Variants in CCDC148 observed in about 807,000 individuals in gnomAD.
CCDC148 encodes the protein coiled-coil domain containing 148.
CCDC148 carries 89 observed loss-of-function variants against 85.7 expected under a neutral mutation model. The ratio of observed to expected loss-of-function variants is 1.04; its 90% CI spans 0.87 to 1.24. The LOEUF (loss-of-function observed/expected upper bound fraction) is 1.24. Ranked by LOEUF, CCDC148 falls within the 50% of genes most tolerant of loss-of-function variation. The probability of loss-of-function intolerance (pLI) is 0.00; values close to 1 mark genes in which losing one functional copy is unlikely to be tolerated. For synonymous variants in CCDC148, 230 were observed against 213.9 expected, an observed-to-expected ratio of 1.08 and a Z score of -0.66; for missense variants, 692 against 671.7, an observed-to-expected ratio of 1.03 and a Z score of -0.33.
At chr2:158,182,023 T>C (rs924550059) in intron 11 of CCDC148, among the ~76,000 whole-genome samples, 3 of 152,000 alleles carry the variant, frequency 2.0e-5, no homozygotes, top group Non-Finnish European at 2.9e-5. Flanking sequence ...AAAGTTTTCA[T>C]TTATTTTATG....
intron 10 of CCDC148, among the ~76,000 whole-genome samples, chr2:158,240,452 T>TCTCTCTCTCACACACA (rs941238898): frequency 5.0e-5 from 6 of 120,546 alleles, no homozygotes; most frequent in East Asian, 2.6e-4. Context: ...TCTCTCTCTC[T>TCTCTCTCTCACACACA]CACACACACA....
At chr2:158,446,332 C>T (rs113951108) in intron 1 of CCDC148, among the ~76,000 whole-genome samples, 5,047 of 148,804 alleles carry the variant, frequency 0.034, 124 homozygotes, top group African/African-American at 0.065. Context: ...AGCTATCTGA[C>T]AGGGCAAGAA....
chr2:158,426,124 A>ATT, intron 1 of CCDC148, among the ~76,000 whole-genome samples: 1 of 119,190 alleles, frequency 8.4e-6, no homozygotes, highest in South Asian at 2.3e-4. Context: ...CTGTGGTAGG[A>ATT]ACTATAGTTT....
intron 1 of CCDC148, among the ~76,000 whole-genome samples, chr2:158,446,935 T>C (rs1369661073): frequency 2.0e-5 from 3 of 152,232 alleles, no homozygotes; most frequent in Non-Finnish European, 4.4e-5. Context: ...TTGTACCATG[T>C]ATCAGTAGTT....
intron 1 of CCDC148, among the ~76,000 whole-genome samples, chr2:158,385,579 G>A (rs1685052486): frequency 2.0e-5 from 3 of 152,114 alleles, no homozygotes; most frequent in Admixed American, 1.3e-4. Context: ...CTGGCAATTT[G>A]TTAAAATGTA....
chr2:158,367,971 T>C (rs114935632), intron 1 of CCDC148, among the ~76,000 whole-genome samples: 1,904 of 152,252 alleles, frequency 0.013, 30 homozygotes, highest in African/African-American at 0.039. Flanking sequence ...CTTGAGATGA[T>C]TGAGGCTCAG....
intron 7 of CCDC148, among the ~76,000 whole-genome samples, chr2:158,333,648 T>A (rs1284674437): frequency 1.3e-5 from 2 of 152,078 alleles, no homozygotes; most frequent in African/African-American, 2.4e-5. Context: ...TGTGTGGGAG[T>A]CTAAGTCTCT....
intron 2 of CCDC148, among the ~76,000 whole-genome samples, chr2:158,349,376 T>C (rs1267760736): frequency 6.6e-6 from 1 of 151,926 alleles, no homozygotes; most frequent in Non-Finnish European, 1.5e-5. Context: ...AATACAAATA[T>C]TTAGAGAGAA....
chr2:158,192,729 AC>A (rs1685481782), intron 11 of CCDC148, among the ~76,000 whole-genome samples: 1 of 151,802 alleles, frequency 6.6e-6, no homozygotes, highest in Non-Finnish European at 1.5e-5. Context: ...CCTAACCATG[AC>A]CCCAAACAGT....
At chr2:158,398,910 T>C (rs1345472634) in intron 1 of CCDC148, among the ~76,000 whole-genome samples, 4 of 151,588 alleles carry the variant, frequency 2.6e-5, no homozygotes, top group African/African-American at 7.3e-5. Flanking sequence ...AAGAGAATAA[T>C]CAAATAGACA....
chr2:158,363,220 A>C (rs1193679699), intron 1 of CCDC148, among the ~76,000 whole-genome samples: 2 of 152,228 alleles, frequency 1.3e-5, no homozygotes, highest in Admixed American at 6.5e-5. Flanking sequence ...TTCACGGCTG[A>C]ATTCTATCAG....
chr2:158,300,102 A>G (rs530044745), intron 9 of CCDC148, among the ~76,000 whole-genome samples: 13 of 152,332 alleles, frequency 8.5e-5, no homozygotes, highest in African/African-American at 2.4e-4. Flanking sequence ...TTGGCATCTC[A>G]GAATATTCAA....
chr2:158,184,962 T>C (rs973260063), intron 11 of CCDC148, among the ~76,000 whole-genome samples: 1 of 152,192 alleles, frequency 6.6e-6, no homozygotes, highest in African/African-American at 2.4e-5. Context: ...AACTACAGCA[T>C]AGATAAATAT....
At chr2:158,243,016 A>G (rs560692163) in intron 10 of CCDC148, among the ~76,000 whole-genome samples, 3 of 151,940 alleles carry the variant, frequency 2.0e-5, no homozygotes, top group African/African-American at 7.2e-5. Flanking sequence ...GGGAGAAATG[A>G]CTGAACAAGT....
In CCDC148 at chr2:158,309,444, G is replaced by A; in HGVS notation, c.1099C>T (p.Leu367=). ...KKKQQELCAD[L]KAKVRQWRAH... is the part of the protein sequence containing the mutation. ...GTGCAGCATCTTACCTTGGCTTTCAGATCAGCACACAATTCCTGTTGCTTT... is the reference window on the plus strand; with the variant it reads ...GTGCAGCATCTTACCTTGGCTTTCAAATCAGCACACAATTCCTGTTGCTTT... The change falls in exon 9 of 14, where the codon CTG becomes TTG. Residue 367 remains leucine, a synonymous_variant. Coordinates refer to ENST00000283233, the MANE Select transcript of CCDC148 (RefSeq NM_138803.4). 6.2e-7 allele frequency: 1 copy of A among 1,613,550 alleles called. No individual in the cohort carries two copies. Among genetic ancestry groups the A allele is most frequent in the Non-Finnish European group, 8.5e-7 (1 of 1,179,570 alleles).
Position 158,309,593 on chromosome 2 carries a change from T to G in CCDC148, c.950A>C (p.Gln317Pro), listed in dbSNP as rs748848247. Residue 317 changes from glutamine to proline, a missense_variant, in exon 9 of 14, where the codon CAG (glutamine) becomes CCG (proline). Coordinates refer to ENST00000283233, the MANE Select transcript of CCDC148 (RefSeq NM_138803.4). ...CCAATTTGATATCAGGATATTTTGC[T>G]GCTCTATAGCAAAGCGATATTGGTC... ...YCDQYRFAIE[Q>P]QNILISNWNK... is the part of the protein sequence containing the mutation. The G allele has an allele frequency of 2.5e-6, 4 of 1,613,990 alleles. No individual in the cohort carries two copies. Among genetic ancestry groups the G allele is most frequent in the Non-Finnish European group, 3.4e-6 (4 of 1,179,848 alleles).
chr2:158,345,393 C>T, intron 2 of CCDC148, 75 bp from the exon 3 acceptor site: 1 of 945,708 alleles, frequency 1.1e-6, no homozygotes. Flanking sequence ...AATGCTTAAT[C>T]TGAATTTTCT....
intron 1 of CCDC148, among the ~76,000 whole-genome samples, chr2:158,451,340 T>G (rs934619379): frequency 6.6e-6 from 1 of 152,320 alleles, no homozygotes; most frequent in African/African-American, 2.4e-5. Context: ...GGTCTCATAA[T>G]TTTTGTTGAT....
rs72997339 is a variant in CCDC148 at position 158,293,493 on chromosome 2, G to A, written c.1110+15940C>T. On this transcript the variant is annotated intron_variant, in intron 9 of 13. Coordinates refer to ENST00000283233, the MANE Select transcript of CCDC148 (RefSeq NM_138803.4). The stretch of plus-strand genomic sequence containing the variant: ...CAATCACATAGCAAGTGCAGGTAGG[G>A]AGGATAAAGAGAAGGTAGAGTAGAT... Among the ~76,000 whole-genome samples the A allele has an allele frequency of 3.4e-3, 524 of 152,304 alleles. 2 individuals carry two copies. Among genetic ancestry groups the A allele is most frequent in the African/African-American group, 0.012 (488 of 41,554 alleles).
Sources: allele counts gnomAD v4.1 joint callset (sites outside exome capture counted in the v4.1 genomes callset), GRCh38; gene constraint gnomAD v4.1.1; transcripts MANE v1.5; gene names NCBI Gene and HGNC (gene_info 2026-07-23, HGNC 2026-07-21).